The following GRIN2A variants were observed in gnomAD, a reference collection of about 807,000 sequenced individuals.
The protein encoded by GRIN2A is glutamate receptor ionotropic, NMDA 2A.
Under a neutral mutation model 113.4 loss-of-function variants are expected in GRIN2A, and 22 were observed. The observed-to-expected ratio is 0.19, with a 90% CI of 0.14 to 0.28. The LOEUF is 0.28. Among genes scored for constraint, GRIN2A ranks in the 10% least tolerant of loss-of-function variants. GRIN2A has a pLI of 1.00. For synonymous variants in GRIN2A, 827 were observed against 738.4 expected, an observed-to-expected ratio of 1.12 and a Z score of -1.94; for missense variants, 1,502 against 1,887.0, an observed-to-expected ratio of 0.80 and a Z score of 3.78.
chr16:9,816,913 T>A (rs151061768), intron 10 of GRIN2A, among the ~76,000 whole-genome samples: 62 of 152,288 alleles, frequency 4.1e-4, no homozygotes, highest in African/African-American at 1.3e-3. Flanking sequence ...CTGGGGTCAC[T>A]GACGCTCATC....
intron 8 of GRIN2A, 59 bp from the exon 9 acceptor site, chr16:9,829,711 T>G: frequency 8.2e-7 from 1 of 1,213,970 alleles, no homozygotes; most frequent in Non-Finnish European, 1.2e-6. Context: ...TGTTTGTGTA[T>G]GACAACCACG....
At chr16:9,981,644 C>T (rs1419460440) in intron 2 of GRIN2A, among the ~76,000 whole-genome samples, 1 of 152,180 alleles carries the variant, frequency 6.6e-6, no homozygotes, top group Non-Finnish European at 1.5e-5. Context: ...ATACCATCAT[C>T]ACACTCAAAA....
chr16:10,038,688 CACA>C (rs1167760847), intron 2 of GRIN2A, among the ~76,000 whole-genome samples: 1 of 140,606 alleles, frequency 7.1e-6, no homozygotes, highest in African/African-American at 2.6e-5. Context: ...CTATAAAAAA[CACA>C]AAAAAAATTA....
At chr16:10,057,348 C>A (rs1278969017) in intron 2 of GRIN2A, among the ~76,000 whole-genome samples, 1 of 152,158 alleles carries the variant, frequency 6.6e-6, no homozygotes, top group Non-Finnish European at 1.5e-5. Flanking sequence ...GGTATTCCTG[C>A]CACTTGTAAC....
At chr16:9,852,743 T>C (rs76705385) in intron 4 of GRIN2A, among the ~76,000 whole-genome samples, 124 of 152,280 alleles carry the variant, frequency 8.1e-4, no homozygotes, top group African/African-American at 2.8e-3. Flanking sequence ...AAATCGTATA[T>C]ACCAGATAAA....
At chr16:10,053,583 T>G (rs2047394991) in intron 2 of GRIN2A, among the ~76,000 whole-genome samples, 1 of 151,770 alleles carries the variant, frequency 6.6e-6, no homozygotes, top group African/African-American at 2.4e-5. Context: ...TTCATAGGAG[T>G]TTTAGGAGGG....
chr16:9,953,450 T>C (rs2045229913), intron 2 of GRIN2A, among the ~76,000 whole-genome samples: 1 of 152,068 alleles, frequency 6.6e-6, no homozygotes, highest in African/African-American at 2.4e-5. Context: ...GACAGAGAAA[T>C]GCATATGGAA....
chr16:9,901,176 T>C (rs2043914252), intron 3 of GRIN2A, among the ~76,000 whole-genome samples: 1 of 152,232 alleles, frequency 6.6e-6, no homozygotes, highest in Non-Finnish European at 1.5e-5. Flanking sequence ...CTACCTGGTA[T>C]AAAGTAGATG....
chr16:10,017,111 T>C (rs2046624616), intron 2 of GRIN2A, among the ~76,000 whole-genome samples: 1 of 152,152 alleles, frequency 6.6e-6, no homozygotes, highest in African/African-American at 2.4e-5. Context: ...GAGCCGACAA[T>C]GAGCAGGTGA....
intron 3 of GRIN2A, among the ~76,000 whole-genome samples, chr16:9,897,297 G>A (rs1209106403): frequency 6.6e-6 from 1 of 152,024 alleles, no homozygotes; most frequent in Non-Finnish European, 1.5e-5. Flanking sequence ...TGAAGCTGAA[G>A]TCCAGGTTAA....
At chr16:9,994,343 C>A (rs2046182397) in intron 2 of GRIN2A, among the ~76,000 whole-genome samples, 1 of 152,092 alleles carries the variant, frequency 6.6e-6, no homozygotes, top group Non-Finnish European at 1.5e-5. Flanking sequence ...CCTTGTAGCT[C>A]CTTCTCTCTA....
At chr16:9,999,649 T>C (rs1227616244) in intron 2 of GRIN2A, among the ~76,000 whole-genome samples, 1 of 151,824 alleles carries the variant, frequency 6.6e-6, no homozygotes, top group African/African-American at 2.4e-5. Context: ...AGGTGACAGG[T>C]TGATGAGCGC....
chr16:9,768,165 A>G (rs1195270721), intron 12 of GRIN2A, among the ~76,000 whole-genome samples: 1 of 151,976 alleles, frequency 6.6e-6, no homozygotes, highest in East Asian at 1.9e-4. Flanking sequence ...GGTTCACGCC[A>G]TTCTCCTGCC....
chr16:10,130,657 T>C (rs1259381119), intron 2 of GRIN2A, among the ~76,000 whole-genome samples: 1 of 152,224 alleles, frequency 6.6e-6, no homozygotes, highest in Non-Finnish European at 1.5e-5. Context: ...CATGATGGAA[T>C]GTTGAGGATC....
intron 2 of GRIN2A, among the ~76,000 whole-genome samples, chr16:10,055,046 T>A (rs2047422347): frequency 8.0e-5 from 1 of 12,492 alleles, no homozygotes; most frequent in Non-Finnish European, 1.3e-4. Context: ...AGACTCTATC[T>A]CAAAAAAAAA....
intron 2 of GRIN2A, among the ~76,000 whole-genome samples, chr16:9,949,552 A>T (rs1279044972): frequency 1.3e-5 from 2 of 151,100 alleles, no homozygotes; most frequent in African/African-American, 4.9e-5. Flanking sequence ...GGTTGGGAGG[A>T]TGAATGAATG....
intron 2 of GRIN2A, among the ~76,000 whole-genome samples, chr16:9,953,873 G>A (rs2045241484): frequency 6.6e-6 from 1 of 152,162 alleles, no homozygotes; most frequent in Admixed American, 6.5e-5. Context: ...CCTCAGAGTG[G>A]TCCAGAGGAG....
intron 2 of GRIN2A, among the ~76,000 whole-genome samples, chr16:10,105,181 C>T (rs2142122949): frequency 6.6e-6 from 1 of 152,174 alleles, no homozygotes; most frequent in East Asian, 1.9e-4. Context: ...AGCCAGAAGG[C>T]CCTGAACCCC....
intron 3 of GRIN2A, among the ~76,000 whole-genome samples, chr16:9,898,362 C>A (rs16966656): frequency 0.022 from 3,352 of 152,220 alleles, 131 homozygotes; most frequent in African/African-American, 0.076. Flanking sequence ...GAACAGCCAA[C>A]CATAATGGGC....
Sources: allele counts gnomAD v4.1 joint callset (sites outside exome capture counted in the v4.1 genomes callset), GRCh38; gene constraint gnomAD v4.1.1; transcripts MANE v1.5; gene names NCBI Gene and HGNC (gene_info 2026-07-23, HGNC 2026-07-21).